SLC35F4: variants seen among roughly 807,000 people sequenced by gnomAD.
The protein encoded by SLC35F4 is chromosome 14 open reading frame 36.
In SLC35F4, 24 loss-of-function variants were observed where a neutral mutation model predicts 44.2. That is an observed-to-expected ratio of 0.54 (90% CI 0.39 to 0.76). The LOEUF is 0.76. Among genes scored for constraint, SLC35F4 ranks in the 30% least tolerant of loss-of-function variants. SLC35F4 has a pLI of 0.00. For missense variants in SLC35F4, 562 were observed against 586.1 expected, an observed-to-expected ratio of 0.96 and a Z score of 0.42; for synonymous variants, 238 against 223.6, an observed-to-expected ratio of 1.06 and a Z score of -0.57.
intron 1 of SLC35F4, among the ~76,000 whole-genome samples, chr14:57,947,751 T>C (rs1325001936): frequency 6.6e-6 from 1 of 152,240 alleles, no homozygotes; most frequent in Non-Finnish European, 1.5e-5. Flanking sequence ...TGTTGGATTT[T>C]ATCAAATGCT....
intron 1 of SLC35F4, among the ~76,000 whole-genome samples, chr14:57,813,380 A>T (rs1566875542): frequency 6.6e-6 from 1 of 152,176 alleles, no homozygotes. Flanking sequence ...ACCTGAGGTC[A>T]GGAGTTCAAG....
intron 1 of SLC35F4, among the ~76,000 whole-genome samples, chr14:57,847,153 G>C (rs1886099733): frequency 6.6e-6 from 1 of 152,186 alleles, no homozygotes; most frequent in African/African-American, 2.4e-5. Flanking sequence ...AAACTGGCTA[G>C]GTAAAGAACC....
At chr14:57,760,927 A>T (rs1956683) in intron 1 of SLC35F4, among the ~76,000 whole-genome samples, 1 of 151,778 alleles carries the variant, frequency 6.6e-6, no homozygotes, top group Non-Finnish European at 1.5e-5. Flanking sequence ...AGATCTCTCC[A>T]TTTCTCTCTC....
Position 57,719,941 on chromosome 14 carries a change from G to A in SLC35F4, c.104-125817C>T, listed in dbSNP as rs188917694. 2.3e-3 allele frequency among the ~76,000 whole-genome samples: 355 copies of A among 152,198 alleles called. 2 individuals carry two copies. The highest frequency in any genetic ancestry group is 8.1e-3 in the African/African-American group (337 of 41,526). ...CCACATTCAGTACAATAATAGCTGT[G>A]AGCCTGTCATATATGGTTTTTATTA... On this transcript the variant is annotated intron_variant, in intron 1 of 7. Coordinates refer to ENST00000556826, the MANE Select transcript of SLC35F4 (RefSeq NM_001306087.2).
chr14:57,622,472 T>C (rs2072235691), intron 1 of SLC35F4, among the ~76,000 whole-genome samples: 1 of 148,944 alleles, frequency 6.7e-6, no homozygotes, highest in South Asian at 2.2e-4. Context: ...ATATACACCA[T>C]GGAATACTAT....
chr14:57,774,817 A>G (rs923310703), intron 1 of SLC35F4, among the ~76,000 whole-genome samples: 1 of 152,172 alleles, frequency 6.6e-6, no homozygotes, highest in African/African-American at 2.4e-5. Flanking sequence ...CCAGAGCCAC[A>G]TCCTGCATTG....
At chr14:57,727,799 A>C (rs373821347) in intron 1 of SLC35F4, among the ~76,000 whole-genome samples, 2 of 152,240 alleles carry the variant, frequency 1.3e-5, no homozygotes, top group Admixed American at 1.3e-4. Flanking sequence ...TTAATGACCT[A>C]ACATGTGGTC....
chr14:57,746,670 T>C lies in SLC35F4; in HGVS notation c.103+119053A>G, dbSNP rs114379321. Among the ~76,000 whole-genome samples the C allele has an allele frequency of 4.2e-3, 639 of 152,274 alleles. 10 individuals carry two copies. The highest frequency in any genetic ancestry group is 0.015 in the African/African-American group (618 of 41,554). ...AAAAAAGTGCAAAAAAATGACAAAT[T>C]GTAGTGATTCTTGTGTTTTGTTGTA... On this transcript the variant is annotated intron_variant, in intron 1 of 7. Coordinates refer to ENST00000556826, the MANE Select transcript of SLC35F4 (RefSeq NM_001306087.2).
rs59941130 is a variant in SLC35F4 at position 57,679,846 on chromosome 14, G to A, written c.104-85722C>T. Among the ~76,000 whole-genome samples the A allele has an allele frequency of 6.8e-4, 104 of 152,040 alleles. No homozygotes were observed. In the East Asian group the frequency reaches 0.016, roughly 23 times the overall value. ...CAAGAAGAAGTCGAATCCCTGAATCGACCAATAACGAGTTCTGAAATTGAG... is the reference window on the plus strand; with the variant it reads ...CAAGAAGAAGTCGAATCCCTGAATCAACCAATAACGAGTTCTGAAATTGAG... On this transcript the variant is annotated intron_variant, in intron 1 of 7. Coordinates refer to ENST00000556826, the MANE Select transcript of SLC35F4 (RefSeq NM_001306087.2).
At chr14:57,767,958 A>C (rs2140662887) in intron 1 of SLC35F4, among the ~76,000 whole-genome samples, 1 of 152,336 alleles carries the variant, frequency 6.6e-6, no homozygotes, top group African/African-American at 2.4e-5. Context: ...TATCAAGGTG[A>C]ACTAGATAAC....
In SLC35F4 at chr14:57,701,305, C is replaced by T. The variant is rs139228240; in HGVS notation, c.104-107181G>A. Among the ~76,000 whole-genome samples, 393 of 152,250 alleles carry T rather than the reference C, an allele frequency of 2.6e-3. 4 individuals carry two copies. Among genetic ancestry groups the T allele is most frequent in the Non-Finnish European group, 4.6e-3 (314 of 68,012 alleles). On this transcript the variant is annotated intron_variant, in intron 1 of 7. Coordinates refer to ENST00000556826, the MANE Select transcript of SLC35F4 (RefSeq NM_001306087.2). ...AATAACATGCATGGAGCTGTCATCT[C>T]CTATGATAACAATGCCTTCTTCTGA...
Position 57,945,410 on chromosome 14 carries a change from T to C in SLC35F4, n.282+36503A>G, listed in dbSNP as rs944255376. Among the ~76,000 whole-genome samples the C allele has an allele frequency of 1.4e-4, 20 of 146,034 alleles. 1 individual carries two copies. The highest frequency in any genetic ancestry group is 2.8e-4 in the Non-Finnish European group (19 of 67,230). On this transcript the variant is annotated intron_variant and non_coding_transcript_variant, in intron 1 of 1. Transcript: ENST00000556568. ...GATTAAGAGGCAGCTGCTATTATCA[T>C]TGCTCTTTACCAGGTAAGAGCAATG...
chr14:57,861,433 A>G (rs1190810275), intron 1 of SLC35F4, among the ~76,000 whole-genome samples: 1 of 152,172 alleles, frequency 6.6e-6, no homozygotes, highest in East Asian at 1.9e-4. Context: ...TCTCATTTGC[A>G]TGCAGACTTG....
chr14:57,786,472 C>A (rs182075490), intron 1 of SLC35F4, among the ~76,000 whole-genome samples: 7 of 152,164 alleles, frequency 4.6e-5, no homozygotes, highest in Non-Finnish European at 1.0e-4. Context: ...GCACAAAAAC[C>A]GAGCATTAAA....
chr14:57,648,295 G>C (rs968687270), intron 1 of SLC35F4, among the ~76,000 whole-genome samples: 2 of 152,074 alleles, frequency 1.3e-5, no homozygotes, highest in Admixed American at 1.3e-4. Context: ...TGTATGATTT[G>C]GGCATTTAAC....
At chr14:57,787,848 G>C (rs773181868) in intron 1 of SLC35F4, among the ~76,000 whole-genome samples, 22 of 152,082 alleles carry the variant, frequency 1.4e-4, no homozygotes, top group Non-Finnish European at 3.2e-4. Flanking sequence ...AAAAATACAA[G>C]TTAAAAAGCA....
chr14:57,873,738 A>AAC (rs60973207), intron 1 of SLC35F4, among the ~76,000 whole-genome samples: 8,118 of 150,900 alleles, frequency 0.054, 857 homozygotes, highest in East Asian at 0.48. Flanking sequence ...AGTGAATACA[A>AAC]ACACACACAC....
intron 1 of SLC35F4, among the ~76,000 whole-genome samples, chr14:57,965,116 C>A (rs1040822568): frequency 6.6e-6 from 1 of 151,786 alleles, no homozygotes; most frequent in African/African-American, 2.4e-5. Context: ...TAAACCAACA[C>A]AAAATTATTA....
upstream of SLC35F4, among the ~76,000 whole-genome samples, chr14:57,871,007 A>G (rs1888286584): frequency 1.3e-5 from 2 of 152,240 alleles, no homozygotes; most frequent in African/African-American, 2.4e-5. Flanking sequence ...AGTTTACTTC[A>G]TACTAGGAAA....
Sources: gnomAD v4.1 joint callset for allele counts (sites outside exome capture counted in the v4.1 genomes callset) on GRCh38, gnomAD v4.1.1 for gene constraint, MANE v1.5 for transcripts, NCBI Gene and HGNC (gene_info 2026-07-23, HGNC 2026-07-21) for gene names.